PREX1: variants seen among roughly 807,000 people sequenced by gnomAD.
The protein encoded by PREX1 is phosphatidylinositol 3,4,5-trisphosphate-dependent Rac exchanger 1 protein.
Under a neutral mutation model 198.3 loss-of-function variants are expected in PREX1, and 41 were observed. The ratio of observed to expected loss-of-function variants is 0.21; its 90% CI spans 0.16 to 0.27. The LOEUF (loss-of-function observed/expected upper bound fraction) is 0.27, where lower values mean the gene tolerates loss of function less well. Among genes scored for constraint, PREX1 ranks in the 10% least tolerant of loss-of-function variants. PREX1 has a pLI of 1.00. For synonymous variants in PREX1, 843 were observed against 887.2 expected (o/e 0.95, Z 0.89); for missense variants, 1,620 against 2,200.7 (o/e 0.74, Z 5.28).
intron 26 of PREX1, 24 bp from the exon 27 acceptor site, chr20:48,644,521 G>A (rs200840626): frequency 2.5e-6 from 4 of 1,602,146 alleles, no homozygotes; most frequent in African/African-American, 2.7e-5. Context: ...CAGAGAAGGG[G>A]CTGAGTCACC....
the PREX1 span, among the ~76,000 whole-genome samples, chr20:48,837,033 C>A: frequency 1.3e-5 from 2 of 152,084 alleles, no homozygotes; most frequent in Admixed American, 1.3e-4. Context: ...CACCATCTAA[C>A]CTTAATCTTT....
chr20:48,881,773 C>T, the PREX1 span, among the ~76,000 whole-genome samples: 5 of 152,342 alleles, frequency 3.3e-5, no homozygotes, highest in East Asian at 9.6e-4. Flanking sequence ...GCGTAAGCCA[C>T]AGCACCTGGC....
At chr20:48,816,909 G>A (rs376715258) in intron 1 of PREX1, among the ~76,000 whole-genome samples, 45 of 152,290 alleles carry the variant, frequency 3.0e-4, no homozygotes, top group South Asian at 6.2e-4. Flanking sequence ...ATTAACAGGC[G>A]TTATTTTAAG....
chr20:48,738,375 T>C (rs753339190), intron 3 of PREX1, among the ~76,000 whole-genome samples: 2 of 152,182 alleles, frequency 1.3e-5, no homozygotes, highest in Non-Finnish European at 2.9e-5. Flanking sequence ...CTTCAGCCTG[T>C]GGGAAGGGCA....
intron 35 of PREX1, among the ~76,000 whole-genome samples, chr20:48,631,678 T>C (rs1465921584): frequency 6.6e-6 from 1 of 152,180 alleles, no homozygotes; most frequent in Non-Finnish European, 1.5e-5. Flanking sequence ...CTCATCTCCC[T>C]GGGGTCTTAA....
chr20:48,797,489 T>C (rs970985406), intron 1 of PREX1, among the ~76,000 whole-genome samples: 1 of 152,042 alleles, frequency 6.6e-6, no homozygotes, highest in African/African-American at 2.4e-5. Flanking sequence ...TGCAAGTTCA[T>C]GGGTATTAAG....
chr20:48,734,464 C>G, intron 4 of PREX1, 82 bp downstream of exon 4: 1 of 1,178,640 alleles, frequency 8.5e-7, no homozygotes, highest in Admixed American at 1.7e-5. Context: ...CACCATGGGG[C>G]AGCATGAAGT....
At chr20:48,683,718 G>A (rs979633786) in intron 10 of PREX1, among the ~76,000 whole-genome samples, 1 of 152,196 alleles carries the variant, frequency 6.6e-6, no homozygotes, top group African/African-American at 2.4e-5. Context: ...TCGGGAGAGT[G>A]AGGAAATCCA....
At chr20:48,830,142 T>C (rs993406942), upstream of PREX1, among the ~76,000 whole-genome samples, 1 of 152,132 alleles carries the variant, frequency 6.6e-6, no homozygotes, top group Non-Finnish European at 1.5e-5. Context: ...AGTGGGAGGA[T>C]TGTTTGATCC....
the PREX1 span, among the ~76,000 whole-genome samples, chr20:48,845,702 C>CAA: frequency 0.016 from 1,665 of 102,982 alleles, 41 homozygotes; most frequent in African/African-American, 0.055. Context: ...ACCTTGTTTC[C>CAA]AAAAAAAAAA....
intron 4 of PREX1, among the ~76,000 whole-genome samples, chr20:48,733,705 C>CTGTTGTTGTTGTTGT (rs71337454): frequency 0.49 from 73,918 of 150,980 alleles, 18,345 homozygotes; most frequent in East Asian, 0.58. Flanking sequence ...GTTGTTGTTG[C>CTGTTGTTGTTGTTGT]TGTTGTTGTT....
the PREX1 span, among the ~76,000 whole-genome samples, chr20:48,875,489 G>A: frequency 3.9e-5 from 6 of 152,158 alleles, no homozygotes; most frequent in African/African-American, 1.4e-4. Flanking sequence ...AGTGACCACA[G>A]AAGAGTGGCT....
the PREX1 span, among the ~76,000 whole-genome samples, chr20:48,847,245 A>G: frequency 1.3e-5 from 2 of 151,874 alleles, no homozygotes; most frequent in Non-Finnish European, 2.9e-5. Context: ...AGTTATGCAG[A>G]GGCAGAGATT....
In PREX1 at chr20:48,684,654, A is replaced by G. The variant is rs4810859; in HGVS notation, c.1335-3319T>C. On this transcript the variant is annotated intron_variant, in intron 10 of 39. Transcript: ENST00000371941. This position sits in a 1 kb window ranked among gnomAD's most constrained non-coding sequence, Gnocchi z 4.2. ...ACCCTGAGCTCCGACAGCTCCACCAATGCCCTCGATCTGGATCCTCATCTC... is the reference window on the plus strand; with the variant it reads ...ACCCTGAGCTCCGACAGCTCCACCAGTGCCCTCGATCTGGATCCTCATCTC... Among the ~76,000 whole-genome samples, 61,340 of 152,012 alleles carry G rather than the reference A, an allele frequency of 0.4. 13,371 individuals carry two copies. The highest frequency in any genetic ancestry group is 0.56 in the African/African-American group (23,250 of 41,456).
the PREX1 span, among the ~76,000 whole-genome samples, chr20:48,874,676 A>G: frequency 6.6e-6 from 1 of 152,078 alleles, no homozygotes; most frequent in Non-Finnish European, 1.5e-5. Context: ...CAGGAGTTTG[A>G]GACCAGCCTG....
upstream of PREX1, among the ~76,000 whole-genome samples, chr20:48,830,314 G>T (rs2123101497): frequency 6.6e-6 from 1 of 152,304 alleles, no homozygotes; most frequent in South Asian, 2.1e-4. Context: ...AGTAAGCTGT[G>T]ATCACACCAC....
the PREX1 span, among the ~76,000 whole-genome samples, chr20:48,843,162 C>A: frequency 1.3e-5 from 2 of 152,238 alleles, no homozygotes; most frequent in East Asian, 3.9e-4. Flanking sequence ...ACTCAATGAT[C>A]CTAAAGATGC....
intron 15 of PREX1, among the ~76,000 whole-genome samples, chr20:48,664,481 G>C (rs910244790): frequency 6.6e-6 from 1 of 152,190 alleles, no homozygotes; most frequent in Non-Finnish European, 1.5e-5. Context: ...GGGGTCAACT[G>C]AGCAGAAACA....
At chr20:48,755,913 T>C (rs138219112) in intron 1 of PREX1, among the ~76,000 whole-genome samples, 12 of 152,320 alleles carry the variant, frequency 7.9e-5, no homozygotes, top group African/African-American at 2.9e-4. Flanking sequence ...CATAAATGCA[T>C]GTTTTTATTT....
Sources: gnomAD v4.1 joint callset for allele counts (sites outside exome capture counted in the v4.1 genomes callset) on GRCh38, gnomAD v4.1.1 for gene constraint, Gnocchi (gnomAD v3.1) non-coding constraint, MANE v1.5 for transcripts, NCBI Gene and HGNC (gene_info 2026-07-23, HGNC 2026-07-21) for gene names.